The following PDGFB variants were observed in gnomAD, a reference collection of about 807,000 sequenced individuals.
PDGFB encodes platelet derived growth factor subunit B, also known as platelet-derived growth factor subunit B.
In PDGFB, 6 loss-of-function variants were observed where a neutral mutation model predicts 29.0. That is an observed-to-expected ratio of 0.21 (90% CI 0.11 to 0.41). PDGFB has a LOEUF of 0.41. Among genes scored for constraint, PDGFB ranks in the 10% least tolerant of loss-of-function variants. The pLI, the probability that PDGFB is intolerant of heterozygous loss-of-function variation, is 1.00. For synonymous variants in PDGFB, 144 were observed against 140.8 expected (o/e 1.02, Z -0.16); for missense variants, 299 against 341.8 (o/e 0.87, Z 0.99).
chr22:39,226,722 C>T (rs1383796690), intron 5 of PDGFB, among the ~76,000 whole-genome samples: 2 of 152,220 alleles, frequency 1.3e-5, no homozygotes, highest in African/African-American at 2.4e-5. Flanking sequence ...CGTCCGATCA[C>T]GTGGTGTGGA....
In PDGFB at chr22:39,243,858, G is replaced by A. The variant is rs1055064505; in HGVS notation, c.63+43C>T. 2.6e-6 allele frequency: 4 copies of A among 1,537,000 alleles called. No individual in the cohort carries two copies. The highest frequency in any genetic ancestry group is 2.7e-6 in the Non-Finnish European group (3 of 1,120,584). ...GGGGCGGTCAGAAGGGGGGGGCGAA[G>A]GTAATGAATGAAGAACCAGCCCCAG... is the stretch of plus-strand genomic sequence containing the variant. On this transcript the variant is annotated intron_variant, in intron 1 of 6. Coordinates refer to ENST00000331163, the MANE Select transcript of PDGFB (RefSeq NM_002608.4). The surrounding 1 kb of genome is among the most constrained non-coding windows in gnomAD (Gnocchi z 6.4).
At chr22:39,234,196 T>A (rs576710347) in intron 2 of PDGFB, among the ~76,000 whole-genome samples, 3 of 152,294 alleles carry the variant, frequency 2.0e-5, no homozygotes, top group African/African-American at 7.2e-5. Flanking sequence ...CCTCCCCTTC[T>A]CTAAACTGTT....
At chr22:39,233,952 G>T (rs1010321098) in intron 2 of PDGFB, among the ~76,000 whole-genome samples, 2 of 145,780 alleles carry the variant, frequency 1.4e-5, no homozygotes, top group Non-Finnish European at 3.0e-5. Context: ...GGGACCGCAT[G>T]CCCTGAACAC....
chr22:39,226,555 T>A (rs2285094), intron 5 of PDGFB, among the ~76,000 whole-genome samples: 4 of 152,056 alleles, frequency 2.6e-5, no homozygotes, highest in Non-Finnish European at 4.4e-5. Context: ...CCAATAGAAC[T>A]GCCCAGCTGA....
At chr22:39,226,442 G>C (rs1477337734) in intron 5 of PDGFB, among the ~76,000 whole-genome samples, 1 of 152,260 alleles carries the variant, frequency 6.6e-6, no homozygotes, top group East Asian at 1.9e-4. Flanking sequence ...CGTAGAGCCA[G>C]AGGCCCTGGA....
intron 6 of PDGFB, 104 bp downstream of exon 6, chr22:39,225,591 A>C (rs73163483): frequency 2.6e-4 from 306 of 1,176,834 alleles, no homozygotes; most frequent in Non-Finnish European, 3.3e-4. Context: ...CAAGGCTCAG[A>C]GGCTGGATTT....
In PDGFB at chr22:39,228,014, T is replaced by C. The variant is rs970687098; in HGVS notation, c.601+2070A>G. ...GGGCCATCAGCAGGACACTGGGCTA[T>C]ACCAAGCCCAGGCAAGCACAAGGTC... On this transcript the variant is annotated intron_variant, in intron 5 of 6. Coordinates refer to ENST00000331163, the MANE Select transcript of PDGFB (RefSeq NM_002608.4). 7.2e-5 allele frequency among the ~76,000 whole-genome samples: 11 copies of C among 152,118 alleles called. No individual in the cohort carries two copies. In the East Asian group the frequency reaches 1.9e-3, roughly 27 times the overall value.
chr22:39,229,242 A>G (rs1569134939), intron 5 of PDGFB, among the ~76,000 whole-genome samples: 1 of 152,002 alleles, frequency 6.6e-6, no homozygotes, highest in Non-Finnish European at 1.5e-5. Context: ...GCTGGAGTGC[A>G]GTGGTGCCAT....
rs1258943767 is a variant in PDGFB, at chr22:39,231,042, G to A, written c.456+580C>T. On this transcript the variant is annotated intron_variant, in intron 4 of 6. Transcript: ENST00000331163. This position sits in a 1 kb window ranked among gnomAD's most constrained non-coding sequence, Gnocchi z 4.3. ...TCCCCCGTCCCTCCGAAGAAAAGCA[G>A]GATCAGCATTCCACTGTTGTCAGGG... Among the ~76,000 whole-genome samples, 3 of 152,228 alleles carry A rather than the reference G, an allele frequency of 2.0e-5. No homozygotes were observed. The highest frequency in any genetic ancestry group is 6.5e-5 in the Admixed American group (1 of 15,278).
At position 39,231,513 on chromosome 22, in the gene PDGFB, C is replaced by T. The variant is rs1361368267; in HGVS notation, c.456+109G>A. On this transcript the variant is annotated intron_variant, in intron 4 of 6. Coordinates refer to ENST00000331163, the MANE Select transcript of PDGFB (RefSeq NM_002608.4). The surrounding 1 kb of genome is among the most constrained non-coding windows in gnomAD (Gnocchi z 4.3). ...CCAGGAACAAATCAGGAATGTCCTT[C>T]GACACACCACTCTGCCCAGTCAAGG... is the stretch of plus-strand genomic sequence containing the variant. 2.2e-5 allele frequency: 18 copies of T among 818,170 alleles called. No individual in the cohort carries two copies. The highest frequency in any genetic ancestry group is 5.4e-5 in the East Asian group (2 of 37,348). 50.7% of individuals were successfully genotyped at this position (818,170 alleles called of 1,614,324 possible). A position where few individuals can be genotyped will look rare whatever the true frequency, so the allele number is the denominator to read the frequency against.
In PDGFB at chr22:39,244,055, G is replaced by A; in HGVS notation, c.-92C>T. Reference sequence around the variant, plus strand: ...GGGTGGGGGGCTGGGGAGGGGGGTGGGCTCGGCTCGGGTCCGCGGCGATCA... The same window carrying A: ...GGGTGGGGGGCTGGGGAGGGGGGTGAGCTCGGCTCGGGTCCGCGGCGATCA... On this transcript the variant is annotated 5_prime_UTR_variant, in exon 1 of 7. Coordinates refer to ENST00000331163, the MANE Select transcript of PDGFB (RefSeq NM_002608.4). The surrounding 1 kb of genome is among the most constrained non-coding windows in gnomAD (Gnocchi z 4.5). 1 of 429,750 alleles carries A rather than the reference G, an allele frequency of 2.3e-6. No individual in the cohort carries two copies. Among genetic ancestry groups the A allele is most frequent in the Non-Finnish European group, 4.0e-6 (1 of 247,734 alleles). The allele number at this position is 429,750 out of a possible 1,614,324, so 26.6% of individuals were successfully genotyped here.
chr22:39,225,315 T>G lies in PDGFB; in HGVS notation c.*29-2A>C, dbSNP rs1932138857. The G allele has an allele frequency of 6.1e-6, 1 of 162,816 alleles. No homozygotes were observed. Among genetic ancestry groups the G allele is most frequent in the South Asian group, 1.9e-4 (1 of 5,264 alleles). The allele number at this position is 162,816 out of a possible 1,614,324, so 10.1% of individuals were successfully genotyped here. ...CAGCAAATACCATATTAAATAACCC[T>G]GCAGGCCAAGCAGAGAGACACAGGG... On this transcript the variant is annotated splice_acceptor_variant, in intron 6 of 6. Coordinates refer to ENST00000331163, the MANE Select transcript of PDGFB (RefSeq NM_002608.4). LOFTEE classifies it low-confidence loss of function (3UTR_SPLICE).
In PDGFB at chr22:39,231,585, C is replaced by G; in HGVS notation, c.456+37G>C. The G allele has an allele frequency of 6.8e-7, 1 of 1,481,162 alleles. No homozygotes were observed. The highest frequency in any genetic ancestry group is 9.1e-7 in the Non-Finnish European group (1 of 1,103,498). 91.8% of individuals were successfully genotyped at this position (1,481,162 alleles called of 1,614,324 possible). On this transcript the variant is annotated intron_variant, in intron 4 of 6. Transcript: ENST00000331163. This position sits in a 1 kb window ranked among gnomAD's most constrained non-coding sequence, Gnocchi z 4.3. ...CCAGAAGGGTGGTCTCCACCCACCA[C>G]CGGGACCAGCCTCGGGGGGCCGCGG...
At chr22:39,226,240 T>C (rs555153094) in intron 5 of PDGFB, among the ~76,000 whole-genome samples, 11 of 152,206 alleles carry the variant, frequency 7.2e-5, no homozygotes, top group Non-Finnish European at 1.2e-4. Flanking sequence ...GCCCCTTGAA[T>C]CTGGCCTGGA....
At chr22:39,240,939 ACACTCT>A (rs576295017) in intron 1 of PDGFB, 15,458 of 975,656 alleles carry the variant, frequency 0.016, no homozygotes, top group East Asian at 0.023. Context: ...ACACACACAC[ACACTCT>A]CTCTCTCTCT....
At chr22:39,233,375 T>G in intron 3 of PDGFB, 60 bp downstream of exon 3, 22 of 1,309,718 alleles carry the variant, frequency 1.7e-5, no homozygotes, top group Non-Finnish European at 2.1e-5. Flanking sequence ...CCCGCCCCCG[T>G]TCTCTTTCCC....
At chr22:39,241,798 CA>C (rs1184999129) in intron 1 of PDGFB, among the ~76,000 whole-genome samples, 1 of 152,220 alleles carries the variant, frequency 6.6e-6, no homozygotes, top group African/African-American at 2.4e-5. Flanking sequence ...TCGCTCTGGA[CA>C]GCTCAGTGCC....
chr22:39,230,212 A>G lies in PDGFB; in HGVS notation c.473T>C (p.Ile158Thr). Reference sequence around the variant, plus strand: ...CTTAAAGATTGGCTTCTTCCGCACAATCTCGATCTTTCTCACCTGGAGGAC... The same window carrying G: ...CTTAAAGATTGGCTTCTTCCGCACAGTCTCGATCTTTCTCACCTGGAGGAC... ...LRPVQVRKIE[I>T]VRKKPIFKKA... The change falls in exon 5 of 7, where the codon ATT (isoleucine) becomes ACT (threonine). Residue 158 changes from isoleucine (I) to threonine (T), a missense_variant. Physicochemically the swap from Ile to Thr is moderately conservative, Grantham distance 89. Transcript: ENST00000331163. The G allele has an allele frequency of 6.2e-7, 1 of 1,613,864 alleles. No homozygotes were observed. The highest frequency in any genetic ancestry group is 1.1e-5 in the South Asian group (1 of 91,082).
Position 39,243,373 on chromosome 22 carries a change from T to C in PDGFB, c.63+528A>G, listed in dbSNP as rs892303052. Among the ~76,000 whole-genome samples the C allele has an allele frequency of 3.3e-5, 5 of 150,822 alleles. No homozygotes were observed. Among genetic ancestry groups the C allele is most frequent in the Admixed American group, 1.3e-4 (2 of 15,212 alleles). On this transcript the variant is annotated intron_variant, in intron 1 of 6. Transcript: ENST00000331163. The surrounding 1 kb of genome is among the most constrained non-coding windows in gnomAD (Gnocchi z 6.4). ...CCGTGCTCTGGGGCCGGGCATGCCC[T>C]GCGCGTGCCGGAGGGCGTCCACCCG... is the stretch of plus-strand genomic sequence containing the variant.
Sources: allele counts gnomAD v4.1 joint callset (sites outside exome capture counted in the v4.1 genomes callset), GRCh38; gene constraint gnomAD v4.1.1; non-coding constraint Gnocchi (gnomAD v3.1); transcripts MANE v1.5; gene names NCBI Gene and HGNC (gene_info 2026-07-23, HGNC 2026-07-21).